CNTRL: variants seen among roughly 807,000 people sequenced by gnomAD.
CNTRL encodes 110 kDa centrosomal protein.
CNTRL carries 233 observed loss-of-function variants against 303.7 expected under a neutral mutation model. That is an observed-to-expected ratio of 0.77 (90% CI 0.69 to 0.86). The LOEUF (loss-of-function observed/expected upper bound fraction) is 0.86. Among genes scored for constraint, CNTRL ranks in the 40% least tolerant of loss-of-function variants. The pLI, the probability that CNTRL is intolerant of heterozygous loss-of-function variation, is 0.00. For missense variants in CNTRL, 2,524 were observed against 2,650.6 expected (o/e 0.95, Z 1.05); for synonymous variants, 900 against 922.2 (o/e 0.98, Z 0.44).
rs767032267 is a variant in CNTRL at position 121,088,373 on chromosome 9, C to T, written c.47C>T (p.Pro16Leu). Residue 16 changes from proline (P) to leucine (L), a missense_variant, in exon 3 of 44, where the codon CCA becomes CTA. Physicochemically the swap from Pro to Leu is moderately conservative, Grantham distance 98 (BLOSUM62 -3). Transcript: ENST00000373855. ...AAAATATTCTCCAAAGCAAAGATAC[C>T]ATCATCATCTCACTCTCCTATCCCA... ...QQKIFSKAKIPSSSHSPIPSS... is the reference protein window; with the variant it reads ...QQKIFSKAKILSSSHSPIPSS... The T allele has an allele frequency of 4.3e-6, 7 of 1,613,396 alleles. No homozygotes were observed. Among genetic ancestry groups the T allele is most frequent in the Non-Finnish European group, 5.9e-6 (7 of 1,179,592 alleles).
chr9:121,160,645 A>G (rs1163275217), intron 32 of CNTRL, among the ~76,000 whole-genome samples: 1 of 152,186 alleles, frequency 6.6e-6, no homozygotes, highest in African/African-American at 2.4e-5. Context: ...CTCCTCCAGA[A>G]AGGGCAAGTA....
At position 121,098,460 on chromosome 9, in the gene CNTRL, C is replaced by T. The variant is rs552995922; in HGVS notation, c.696C>T (p.Thr232=). 1.2e-6 allele frequency: 2 copies of T among 1,613,608 alleles called. No homozygotes were observed. Among genetic ancestry groups the T allele is most frequent in the Admixed American group, 1.7e-5 (1 of 59,984 alleles). Residue 232 remains threonine, a synonymous_variant, in exon 7 of 44, where the codon ACC becomes ACT. Coordinates refer to ENST00000373855, the MANE Select transcript of CNTRL (RefSeq NM_007018.6). ...SLILVENPVV[T]LPHYLQFTIF... is the part of the protein sequence containing the mutation. ...TCCTAGTTGAAAATCCAGTTGTGAC[C>T]CTTCCTCATTACCTCCAGTTTACCA...
chr9:121,090,504 C>A, intron 4 of CNTRL, 99 bp downstream of exon 4: 1 of 1,132,898 alleles, frequency 8.8e-7, no homozygotes, highest in Non-Finnish European at 1.2e-6. Context: ...TAATTTGTGG[C>A]AGACCTTTTA....
At chr9:121,119,191 G>T (rs1459466158) in intron 12 of CNTRL, among the ~76,000 whole-genome samples, 1 of 151,554 alleles carries the variant, frequency 6.6e-6, no homozygotes, top group Non-Finnish European at 1.5e-5. Flanking sequence ...AATGATGGCC[G>T]CATGGTATAT....
intron 2 of CNTRL, among the ~76,000 whole-genome samples, chr9:121,083,258 CTTTT>C (rs1469145535): frequency 2.0e-5 from 3 of 152,114 alleles, no homozygotes; most frequent in African/African-American, 7.2e-5. Flanking sequence ...AAACTTTAAA[CTTTT>C]TAAAAACTTT....
intron 1 of CNTRL, among the ~76,000 whole-genome samples, chr9:121,075,879 TA>T (rs2047902699): frequency 6.6e-6 from 1 of 152,214 alleles, no homozygotes; most frequent in Non-Finnish European, 1.5e-5. Flanking sequence ...GATCACACAG[TA>T]AGTGGAAAAT....
At chr9:121,167,906 T>G (rs1271904331) in intron 37 of CNTRL, among the ~76,000 whole-genome samples, 190 bp from the exon 38 acceptor site, 1 of 152,122 alleles carries the variant, frequency 6.6e-6, no homozygotes, top group African/African-American at 2.4e-5. Flanking sequence ...ACGTGCCATT[T>G]GCTGCTTGAA....
At chr9:121,081,124 G>A (rs2048123238) in intron 2 of CNTRL, among the ~76,000 whole-genome samples, 1 of 152,176 alleles carries the variant, frequency 6.6e-6, no homozygotes, top group South Asian at 2.1e-4. Context: ...TGGGTATTGG[G>A]TAGGACCCCT....
chr9:121,148,045 C>T (rs936715044), intron 23 of CNTRL, among the ~76,000 whole-genome samples: 4 of 152,126 alleles, frequency 2.6e-5, no homozygotes, highest in African/African-American at 9.7e-5. Flanking sequence ...GCCTCAGTCA[C>T]TGGGCCATCA....
intron 2 of CNTRL, among the ~76,000 whole-genome samples, chr9:121,081,415 C>CA (rs2048136855): frequency 6.6e-6 from 1 of 152,184 alleles, no homozygotes; most frequent in Non-Finnish European, 1.5e-5. Flanking sequence ...CTGACACTGT[C>CA]TGCCTGAAGA....
intron 4 of CNTRL, among the ~76,000 whole-genome samples, chr9:121,092,732 TAATATATATCTATATATA>T (rs2048700106): frequency 7.7e-5 from 3 of 39,168 alleles, no homozygotes; most frequent in African/African-American, 8.3e-5. Flanking sequence ...TATATATATA[TAATATATATCTATATATA>T]ATATATATCT....
chr9:121,115,859 G>T (rs2049952159), intron 11 of CNTRL, among the ~76,000 whole-genome samples: 1 of 152,118 alleles, frequency 6.6e-6, no homozygotes, highest in African/African-American at 2.4e-5. Context: ...AGTCCAAATT[G>T]TAGATTCTTT....
chr9:121,081,026 TC>T (rs1478445637), intron 2 of CNTRL, among the ~76,000 whole-genome samples: 1 of 152,196 alleles, frequency 6.6e-6, no homozygotes, highest in Non-Finnish European at 1.5e-5. Context: ...ATGGGTATGA[TC>T]TAACGCTAAT....
intron 15 of CNTRL, among the ~76,000 whole-genome samples, chr9:121,136,261 C>T (rs1456522766): frequency 1.3e-5 from 2 of 152,010 alleles, no homozygotes; most frequent in African/African-American, 4.8e-5. Flanking sequence ...CATGAAAGCA[C>T]CTGACAGTTG....
chr9:121,138,418 C>A, intron 15 of CNTRL, 127 bp from the exon 16 acceptor site: 2 of 942,494 alleles, frequency 2.1e-6, no homozygotes, highest in Non-Finnish European at 1.5e-6. Context: ...GGAGTACAAA[C>A]ATAAAATTGA....
intron 3 of CNTRL, among the ~76,000 whole-genome samples, chr9:121,089,716 C>T (rs527556406): frequency 6.6e-6 from 1 of 152,022 alleles, no homozygotes; most frequent in South Asian, 2.1e-4. Context: ...AAAACTAACA[C>T]GAAAATATTG....
chr9:121,177,104 T>TTC (rs2053558996), intron 43 of CNTRL, 59 bp from the exon 44 acceptor site: 9 of 1,402,346 alleles, frequency 6.4e-6, no homozygotes, highest in African/African-American at 1.4e-5. Context: ...CATCACTTAG[T>TTC]TAAGACTGTT....
intron 27 of CNTRL, among the ~76,000 whole-genome samples, chr9:121,155,137 A>G (rs1040741550): frequency 6.6e-6 from 1 of 152,214 alleles, no homozygotes; most frequent in Admixed American, 6.5e-5. Flanking sequence ...GGCTAAGAAT[A>G]CGTAGGCTTT....
At chr9:121,127,088 C>T (rs7874864) in intron 14 of CNTRL, among the ~76,000 whole-genome samples, 77,840 of 151,982 alleles carry the variant, frequency 0.51, 21,886 homozygotes, top group South Asian at 0.8. Context: ...TGAAAGTGCT[C>T]GGATTACAGG....
Sources: allele counts gnomAD v4.1 joint callset (sites outside exome capture counted in the v4.1 genomes callset), GRCh38; gene constraint gnomAD v4.1.1; transcripts MANE v1.5; gene names NCBI Gene and HGNC (gene_info 2026-07-23, HGNC 2026-07-21).